Variants in CNTN5 observed in about 807,000 individuals in gnomAD.
CNTN5 encodes the protein contactin 5.
A neutral mutation model predicts 129.1 loss-of-function variants in CNTN5; 77 were observed. The ratio of observed to expected loss-of-function variants is 0.60; its 90% CI spans 0.50 to 0.72. CNTN5 has a LOEUF of 0.72. Ranked by LOEUF, CNTN5 falls within the 30% of genes least tolerant of loss-of-function variation. The pLI is 0.00. For synonymous variants in CNTN5, 509 were observed against 465.6 expected (o/e 1.09, Z -1.20); for missense variants, 1,478 against 1,328.8 (o/e 1.11, Z -1.75).
chr11:99,050,299 G>A (rs1004170651), intron 1 of CNTN5, among the ~76,000 whole-genome samples: 10 of 152,094 alleles, frequency 6.6e-5, no homozygotes, highest in African/African-American at 2.4e-4. Context: ...GCAAACTAAA[G>A]TGATTTGTGG....
At chr11:99,971,345 C>T (rs532557808) in intron 8 of CNTN5, among the ~76,000 whole-genome samples, 48 of 152,014 alleles carry the variant, frequency 3.2e-4, no homozygotes, top group Non-Finnish European at 6.0e-4. Context: ...GAGATCGTGA[C>T]CATCCTGGCC....
intron 2 of CNTN5, among the ~76,000 whole-genome samples, chr11:99,424,412 C>T (rs1166508881): frequency 1.3e-5 from 2 of 152,214 alleles, no homozygotes; most frequent in Admixed American, 6.5e-5. Context: ...GCTCATGCTG[C>T]CGGCCTCAAC....
At chr11:99,871,218 A>G (rs563319235) in intron 6 of CNTN5, among the ~76,000 whole-genome samples, 3 of 152,190 alleles carry the variant, frequency 2.0e-5, no homozygotes, top group Non-Finnish European at 2.9e-5. Flanking sequence ...AAATATGACC[A>G]CAAAAGAGAA....
intron 9 of CNTN5, among the ~76,000 whole-genome samples, chr11:100,034,324 G>C (rs970272112): frequency 1.3e-5 from 2 of 152,180 alleles, no homozygotes; most frequent in African/African-American, 4.8e-5. Context: ...TTATCTAACT[G>C]TGTAAGCCAC....
chr11:99,105,826 C>G (rs1243265540), intron 1 of CNTN5, among the ~76,000 whole-genome samples: 3 of 152,088 alleles, frequency 2.0e-5, no homozygotes, highest in Non-Finnish European at 4.4e-5. Context: ...TGAGACAAGA[C>G]AGTAATCTGA....
chr11:99,636,264 C>A (rs1462527515), intron 3 of CNTN5, among the ~76,000 whole-genome samples: 1 of 151,862 alleles, frequency 6.6e-6, no homozygotes, highest in Non-Finnish European at 1.5e-5. Flanking sequence ...GGTGGCCTAG[C>A]CAAATAATTA....
intron 3 of CNTN5, among the ~76,000 whole-genome samples, chr11:99,756,226 G>T (rs1249619620): frequency 6.6e-6 from 1 of 152,048 alleles, no homozygotes; most frequent in Non-Finnish European, 1.5e-5. Flanking sequence ...CAGCAGAATA[G>T]ACCTTGTAAA....
chr11:100,270,452 A>C (rs1565386901), intron 17 of CNTN5, among the ~76,000 whole-genome samples: 1 of 152,228 alleles, frequency 6.6e-6, no homozygotes, highest in Non-Finnish European at 1.5e-5. Context: ...TTTCCTAGAC[A>C]GCAGAGATGA....
At chr11:100,249,622 T>C (rs1190287752) in intron 16 of CNTN5, among the ~76,000 whole-genome samples, 1 of 152,204 alleles carries the variant, frequency 6.6e-6, no homozygotes, top group Non-Finnish European at 1.5e-5. Context: ...GGCATTTGTG[T>C]ATCATCTGGA....
chr11:99,550,408 G>A (rs1948443438), intron 2 of CNTN5, among the ~76,000 whole-genome samples: 1 of 151,930 alleles, frequency 6.6e-6, no homozygotes, highest in Non-Finnish European at 1.5e-5. Flanking sequence ...TAACTTCAAG[G>A]ATATCTTGAA....
chr11:100,342,970 A>C (rs1435950682), intron 23 of CNTN5, among the ~76,000 whole-genome samples: 2 of 152,308 alleles, frequency 1.3e-5, no homozygotes, highest in Admixed American at 1.3e-4. Flanking sequence ...AGCAATAATA[A>C]TACATATTAT....
chr11:100,042,417 A>G (rs931319589), intron 9 of CNTN5, among the ~76,000 whole-genome samples: 2 of 152,138 alleles, frequency 1.3e-5, no homozygotes, highest in African/African-American at 4.8e-5. Flanking sequence ...AACTGTATAT[A>G]TTTTCACATC....
At chr11:99,196,453 T>C (rs1453714194) in intron 1 of CNTN5, among the ~76,000 whole-genome samples, 1 of 151,984 alleles carries the variant, frequency 6.6e-6, no homozygotes, top group Non-Finnish European at 1.5e-5. Flanking sequence ...CATTTTTGTT[T>C]TATGTTTAGA....
intron 18 of CNTN5, among the ~76,000 whole-genome samples, chr11:100,290,296 T>C (rs1305349964): frequency 1.3e-5 from 2 of 152,018 alleles, no homozygotes; most frequent in African/African-American, 2.4e-5. Flanking sequence ...CCTGCATTGC[T>C]AAGTCAATCC....
chr11:99,442,597 C>T (rs1204596344), intron 2 of CNTN5, among the ~76,000 whole-genome samples: 1 of 152,152 alleles, frequency 6.6e-6, no homozygotes, highest in Non-Finnish European at 1.5e-5. Context: ...TTTGGTGTGA[C>T]TCTATTCGTC....
chr11:99,824,570 T>C (rs1946896093), intron 4 of CNTN5, among the ~76,000 whole-genome samples: 1 of 152,012 alleles, frequency 6.6e-6, no homozygotes, highest in Admixed American at 6.5e-5. Flanking sequence ...TAGTACCTTT[T>C]GTTAAACAGA....
At chr11:100,183,827 A>T (rs1292366501) in intron 13 of CNTN5, among the ~76,000 whole-genome samples, 2 of 152,164 alleles carry the variant, frequency 1.3e-5, no homozygotes, top group African/African-American at 4.8e-5. Context: ...ATTGCCCTTA[A>T]AATTAAGAAC....
chr11:99,946,971 T>C (rs1950565930), intron 7 of CNTN5, among the ~76,000 whole-genome samples: 1 of 151,708 alleles, frequency 6.6e-6, no homozygotes, highest in African/African-American at 2.4e-5. Context: ...AATGTAGATA[T>C]AAACGTAATT....
chr11:99,411,472 A>G (rs1423910168), intron 2 of CNTN5, among the ~76,000 whole-genome samples: 1 of 152,180 alleles, frequency 6.6e-6, no homozygotes, highest in African/African-American at 2.4e-5. Context: ...GCAAGCCAAG[A>G]TCATGCTATT....
Sources: allele counts gnomAD v4.1 joint callset (sites outside exome capture counted in the v4.1 genomes callset), GRCh38; gene constraint gnomAD v4.1.1; transcripts MANE v1.5; gene names NCBI Gene and HGNC (gene_info 2026-07-23, HGNC 2026-07-21).